Variants in ASTN2 observed in about 807,000 individuals in gnomAD.
ASTN2 encodes the protein astrotactin-2.
Under a neutral mutation model 139.8 loss-of-function variants are expected in ASTN2, and 54 were observed. That is an observed-to-expected ratio of 0.39 (90% confidence interval 0.31 to 0.48). The LOEUF (loss-of-function observed/expected upper bound fraction) is 0.48. ASTN2 is among the 20% of genes least tolerant of loss of function. The pLI is 0.95. For missense variants in ASTN2, 1,565 were observed against 1,725.1 expected (o/e 0.91, Z 1.64); for synonymous variants, 756 against 719.5 (o/e 1.05, Z -0.81).
intron 20 of ASTN2, among the ~76,000 whole-genome samples, chr9:116,461,108 A>C (rs1249626318): frequency 6.6e-6 from 1 of 151,908 alleles, no homozygotes; most frequent in African/African-American, 2.4e-5. Context: ...CTCCTTTTCC[A>C]TGAAGTTCCC....
chr9:116,730,346 T>A (rs566211387), intron 14 of ASTN2, among the ~76,000 whole-genome samples: 1 of 147,030 alleles, frequency 6.8e-6, no homozygotes, highest in Non-Finnish European at 1.5e-5. Context: ...TACTGTCAAC[T>A]TTTTTTTTTT....
intron 13 of ASTN2, among the ~76,000 whole-genome samples, chr9:116,799,672 T>C (rs139766239): frequency 6.7e-4 from 91 of 135,206 alleles, no homozygotes; most frequent in African/African-American, 2.5e-3. Flanking sequence ...TTCTTCCTTA[T>C]AGGAATGAAG....
chr9:116,495,652 T>C (rs937688268), intron 19 of ASTN2, among the ~76,000 whole-genome samples: 4 of 152,202 alleles, frequency 2.6e-5, no homozygotes, highest in African/African-American at 9.7e-5. Context: ...GTTTTATGAT[T>C]GCCATTTTAT....
At chr9:116,862,916 T>G (rs1281024607) in intron 11 of ASTN2, among the ~76,000 whole-genome samples, 1 of 151,966 alleles carries the variant, frequency 6.6e-6, no homozygotes, top group African/African-American at 2.4e-5. Flanking sequence ...TAGAACCCTG[T>G]ATCTTAGGTC....
intron 11 of ASTN2, among the ~76,000 whole-genome samples, chr9:116,832,358 T>C (rs1047251766): frequency 3.9e-5 from 6 of 152,058 alleles, no homozygotes; most frequent in Admixed American, 1.3e-4. Context: ...ATTTTTTTTT[T>C]CCCTGTTATT....
At chr9:116,734,996 C>T (rs1023823029) in intron 13 of ASTN2, among the ~76,000 whole-genome samples, 2 of 152,174 alleles carry the variant, frequency 1.3e-5, no homozygotes, top group African/African-American at 4.8e-5. Context: ...AAATACTTTA[C>T]ATACATTTTA....
At position 116,505,321 on chromosome 9, in the gene ASTN2, T is replaced by C. The variant is rs192394190; in HGVS notation, c.3356-17821A>G. On this transcript the variant is annotated intron_variant, in intron 19 of 22. Transcript: ENST00000313400. ...CTGTGGAAACAATGTTGGTTCCCGC[T>C]CAGCTTTTCCCTGGTGCCCAGCTCG... Among the ~76,000 whole-genome samples the C allele has an allele frequency of 2.0e-4, 31 of 152,032 alleles. 1 individual carries two copies. The highest frequency in any genetic ancestry group is 2.0e-3 in the Admixed American group (31 of 15,230).
intron 20 of ASTN2, among the ~76,000 whole-genome samples, chr9:116,474,434 G>C (rs950526931): frequency 6.6e-6 from 1 of 152,202 alleles, no homozygotes; most frequent in Non-Finnish European, 1.5e-5. Context: ...TCTGTCTTTG[G>C]AGGAAAGGAG....
rs59918979 is a variant in ASTN2, at chr9:117,237,636, C to T, written c.631-22894G>A. On this transcript the variant is annotated intron_variant, in intron 2 of 22. Transcript: ENST00000313400. ...CTGGGACTACAGGTGCATGCCATCA[C>T]GCCCCGCTAATTTTTTCTATTTTTA... 4.6e-3 allele frequency among the ~76,000 whole-genome samples: 703 copies of T among 152,232 alleles called. 4 individuals are homozygous for T. The highest frequency in any genetic ancestry group is 0.015 in the African/African-American group (616 of 41,532).
rs867876011 is a variant in ASTN2, at chr9:116,440,365, T to A, written c.3782+244A>T. On this transcript the variant is annotated intron_variant, in intron 22 of 22. Coordinates refer to ENST00000313400, the MANE Select transcript of ASTN2 (RefSeq NM_001365068.1). ...TGAGGTGGGAGATGAGCAAGGAGAA[T>A]GATTAATGCAAAGAGCATCAATGCC... 2.0e-5 allele frequency among the ~76,000 whole-genome samples: 3 copies of A among 152,110 alleles called. No homozygotes were observed. In the South Asian group the frequency reaches 6.2e-4, roughly 32 times the overall value.
intron 16 of ASTN2, among the ~76,000 whole-genome samples, chr9:116,707,531 C>A (rs1403537010): frequency 6.6e-6 from 1 of 151,766 alleles, no homozygotes; most frequent in African/African-American, 2.4e-5. Context: ...CCTCCCCACA[C>A]CACCACCAAA....
intron 3 of ASTN2, among the ~76,000 whole-genome samples, chr9:117,198,653 C>T (rs1831594825): frequency 6.6e-6 from 1 of 152,110 alleles, no homozygotes; most frequent in Admixed American, 6.5e-5. Flanking sequence ...GGTATATACC[C>T]AGTAATGAGA....
Position 117,030,703 on chromosome 9 carries a change from A to AT in ASTN2, c.1423+9115dup, listed in dbSNP as rs375216470. Reference sequence around the variant, plus strand: ...CTATTTAAGGCAGAAAATGGCTTAAATTTTTTTTCTTCCATGGTTTTATGG... The same window carrying AT: ...CTATTTAAGGCAGAAAATGGCTTAAATTTTTTTTTCTTCCATGGTTTTATGG... On this transcript the variant is annotated intron_variant, in intron 6 of 22. Transcript: ENST00000313400. Among the ~76,000 whole-genome samples the AT allele has an allele frequency of 2.6e-4, 39 of 151,384 alleles. 1 individual carries two copies. The East Asian group carries it at 4.5e-3, about 17-fold the overall frequency.
chr9:116,621,614 C>A (rs947716377), intron 17 of ASTN2, among the ~76,000 whole-genome samples: 1 of 152,142 alleles, frequency 6.6e-6, no homozygotes, highest in African/African-American at 2.4e-5. Context: ...AACACATAGA[C>A]CATACCTACC....
chr9:117,012,062 C>T (rs1419160797), intron 6 of ASTN2, among the ~76,000 whole-genome samples: 4 of 152,274 alleles, frequency 2.6e-5, no homozygotes, highest in African/African-American at 7.2e-5. Context: ...CAGTAAAATG[C>T]CTGGCACATA....
chr9:117,318,075 A>G (rs1828203811), intron 1 of ASTN2, among the ~76,000 whole-genome samples: 1 of 152,206 alleles, frequency 6.6e-6, no homozygotes, highest in Non-Finnish European at 1.5e-5. Context: ...TGCAGGCAGA[A>G]TGAAACTGTA....
intron 16 of ASTN2, 127 bp from the exon 17 acceptor site, chr9:116,651,920 A>G: frequency 8.4e-7 from 1 of 1,196,960 alleles, no homozygotes; most frequent in Non-Finnish European, 1.2e-6. Context: ...AAGATGATAG[A>G]GTGATTTATT....
intron 19 of ASTN2, among the ~76,000 whole-genome samples, chr9:116,577,628 G>A (rs568280517): frequency 2.6e-5 from 4 of 152,234 alleles, no homozygotes; most frequent in South Asian, 2.1e-4. Flanking sequence ...TTGAGTTGAA[G>A]AGAACAAAAA....
At chr9:116,733,270 T>C in intron 14 of ASTN2, 129 bp downstream of exon 14, 1 of 1,321,436 alleles carries the variant, frequency 7.6e-7, no homozygotes, top group South Asian at 1.4e-5. Flanking sequence ...TTCCTTCCCA[T>C]ACCCTTCCTC....
Sources: gnomAD v4.1 joint callset for allele counts (sites outside exome capture counted in the v4.1 genomes callset) on GRCh38, gnomAD v4.1.1 for gene constraint, MANE v1.5 for transcripts, NCBI Gene and HGNC (gene_info 2026-07-23, HGNC 2026-07-21) for gene names.